GIMAP8: variants seen among roughly 807,000 people sequenced by gnomAD.
The protein encoded by GIMAP8 is GTPase IMAP family member 8.
GIMAP8 carries 29 observed loss-of-function variants against 35.6 expected under a neutral mutation model. That is an observed-to-expected ratio of 0.81 (90% CI 0.61 to 1.11). The LOEUF is 1.11. Among genes scored for constraint, GIMAP8 ranks in the 50% most tolerant of loss-of-function variants. GIMAP8 has a pLI of 0.00. For synonymous variants in GIMAP8, 335 were observed against 308.7 expected, an observed-to-expected ratio of 1.09 and a Z score of -0.89; for missense variants, 811 against 805.0, an observed-to-expected ratio of 1.01 and a Z score of -0.09.
chr7:150,471,089 C>T (rs920633603), intron 3 of GIMAP8, among the ~76,000 whole-genome samples: 2 of 152,140 alleles, frequency 1.3e-5, no homozygotes, highest in Non-Finnish European at 2.9e-5. Context: ...CGAGGGTGTC[C>T]TTGGACTTTT....
At chr7:150,475,413 G>C (rs912091835) in intron 4 of GIMAP8, among the ~76,000 whole-genome samples, 1 of 152,148 alleles carries the variant, frequency 6.6e-6, no homozygotes, top group South Asian at 2.1e-4. Flanking sequence ...ACATTCTCTT[G>C]AACCGGTCTT....
At chr7:150,471,828 C>A (rs1254206932) in intron 3 of GIMAP8, among the ~76,000 whole-genome samples, 3 of 144,196 alleles carry the variant, frequency 2.1e-5, no homozygotes, top group East Asian at 2.2e-4. Context: ...CAGAGCAAGA[C>A]CCTGTCTCAA....
At chr7:150,471,558 C>T (rs116502835) in intron 3 of GIMAP8, among the ~76,000 whole-genome samples, 2,905 of 152,166 alleles carry the variant, frequency 0.019, 88 homozygotes, top group African/African-American at 0.066. Flanking sequence ...TAGCTGAGGC[C>T]GGGTGCAGTG....
intron 3 of GIMAP8, among the ~76,000 whole-genome samples, chr7:150,471,425 T>C (rs1802087416): frequency 1.3e-5 from 2 of 152,384 alleles, no homozygotes; most frequent in Admixed American, 1.3e-4. Context: ...TTGCAGGTTA[T>C]TTCTGGGTCA....
chr7:150,469,713 A>T (rs75908713), intron 2 of GIMAP8, among the ~76,000 whole-genome samples: 3 of 140,384 alleles, frequency 2.1e-5, no homozygotes, highest in African/African-American at 2.9e-5. Context: ...CCCTGGAAAT[A>T]AAAAAAAAAA....
intron 1 of GIMAP8, among the ~76,000 whole-genome samples, chr7:150,452,876 C>G (rs897045485): frequency 6.6e-6 from 1 of 151,004 alleles, no homozygotes; most frequent in African/African-American, 2.4e-5. Flanking sequence ...GCGTGAGCCA[C>G]TGCGCCCGGC....
At chr7:150,476,942 G>C in intron 4 of GIMAP8, 150 bp from the exon 5 acceptor site, 1 of 629,054 alleles carries the variant, frequency 1.6e-6, no homozygotes, top group South Asian at 2.0e-5. Flanking sequence ...CCCGTGTTTG[G>C]AGATCCCCCT....
intron 1 of GIMAP8, among the ~76,000 whole-genome samples, chr7:150,458,124 G>A (rs1443218247): frequency 1.3e-5 from 2 of 152,174 alleles, no homozygotes; most frequent in Non-Finnish European, 2.9e-5. Context: ...TAGAGAAACA[G>A]AATGAATGAT....
Position 150,478,055 on chromosome 7 carries a change from A to G in GIMAP8, c.*275A>G. Reference sequence around the variant, plus strand: ...TAGGCTGATAATAAGTGGTAGAATCAAGTCACAAGAATCACCTCACTTGTG... The same window carrying G: ...TAGGCTGATAATAAGTGGTAGAATCGAGTCACAAGAATCACCTCACTTGTG... On this transcript the variant is annotated 3_prime_UTR_variant, in exon 5 of 5. Transcript: ENST00000307271. The G allele has an allele frequency of 2.2e-6, 1 of 463,914 alleles. No individual in the cohort carries two copies. The highest frequency in any genetic ancestry group is 5.8e-4 in the Middle Eastern group (1 of 1,710). 28.7% of individuals were successfully genotyped at this position (463,914 alleles called of 1,614,324 possible).
At chr7:150,452,672 TG>T (rs1297117362) in intron 1 of GIMAP8, among the ~76,000 whole-genome samples, 36 of 66,580 alleles carry the variant, frequency 5.4e-4, no homozygotes, top group African/African-American at 2.1e-3. Flanking sequence ...TGTGTGTGTG[TG>T]AGATATATAT....
intron 1 of GIMAP8, among the ~76,000 whole-genome samples, chr7:150,452,675 G>GATATATATAGAT (rs1801639507): frequency 5.0e-5 from 4 of 79,672 alleles, no homozygotes; most frequent in African/African-American, 1.6e-4. Context: ...GTGTGTGTGA[G>GATATATATAGAT]ATATATATAT....
At chr7:150,452,697 T>G (rs964870760) in intron 1 of GIMAP8, among the ~76,000 whole-genome samples, 1 of 114,102 alleles carries the variant, frequency 8.8e-6, no homozygotes, top group Non-Finnish European at 1.8e-5. Context: ...TATATATATA[T>G]ATATATATAT....
intron 2 of GIMAP8, among the ~76,000 whole-genome samples, chr7:150,470,293 G>A (rs182241387): frequency 6.6e-6 from 1 of 152,270 alleles, no homozygotes; most frequent in East Asian, 1.9e-4. Context: ...CAAAGATAAG[G>A]TTAAAATGAA....
At chr7:150,469,251 T>C (rs1368838222) in intron 2 of GIMAP8, among the ~76,000 whole-genome samples, 1 of 152,192 alleles carries the variant, frequency 6.6e-6, no homozygotes, top group African/African-American at 2.4e-5. Flanking sequence ...TCCCACCCTG[T>C]ACCAGGTTTG....
At chr7:150,460,143 C>G (rs1194275675) in intron 1 of GIMAP8, among the ~76,000 whole-genome samples, 1 of 152,180 alleles carries the variant, frequency 6.6e-6, no homozygotes, top group African/African-American at 2.4e-5. Context: ...CCTCTGCCAT[C>G]ATGGCCACTT....
Position 150,476,038 on chromosome 7 carries a change from G to A in GIMAP8, c.1310-1054G>A, listed in dbSNP as rs559920734. ...ATGGGGAGTGGGGCCGGATTTCAGAGGTACATGAGAAACACACCCTCTGTA... is the reference window on the plus strand; with the variant it reads ...ATGGGGAGTGGGGCCGGATTTCAGAAGTACATGAGAAACACACCCTCTGTA... On this transcript the variant is annotated intron_variant, in intron 4 of 4. Transcript: ENST00000307271. Among the ~76,000 whole-genome samples the A allele has an allele frequency of 2.0e-5, 3 of 152,224 alleles. No individual in the cohort carries two copies. The South Asian group carries it at 6.2e-4, about 32-fold the overall frequency.
chr7:150,467,347 T>G lies in GIMAP8; in HGVS notation c.636+13T>G, dbSNP rs754981356. 8 of 1,602,444 alleles carry G rather than the reference T, an allele frequency of 5.0e-6. No individual in the cohort carries two copies. The Admixed American group carries it at 1.4e-4, about 27-fold the overall frequency. On this transcript the variant is annotated intron_variant, in intron 2 of 4. Coordinates refer to ENST00000307271, the MANE Select transcript of GIMAP8 (RefSeq NM_175571.4). The stretch of plus-strand genomic sequence containing the variant: ...CAGCAGGTTTCAAGTAAGAATTTTG[T>G]TAATATCTTGAAAGATCTCTATGTT...
Position 150,477,124 on chromosome 7 carries a change from G to T in GIMAP8, c.1342G>T (p.Gly448Trp). The T allele has an allele frequency of 6.2e-7, 1 of 1,607,442 alleles. No individual in the cohort carries two copies. The highest frequency in any genetic ancestry group is 1.1e-5 in the South Asian group (1 of 91,008). ...TLNIVLVGRS[G>W]TGKSATGNSI... The stretch of plus-strand genomic sequence containing the variant: ...GAACATTGTCCTTGTGGGGAGAAGC[G>T]GGACTGGGAAGAGTGCGACCGGGAA... Residue 448 changes from glycine to tryptophan, a missense_variant, in exon 5 of 5, where the codon GGG (glycine) becomes TGG (tryptophan). Gly to Trp is a radical substitution (Grantham distance 184). Coordinates refer to ENST00000307271, the MANE Select transcript of GIMAP8 (RefSeq NM_175571.4).
chr7:150,471,464 G>A (rs188614715), intron 3 of GIMAP8, among the ~76,000 whole-genome samples: 19 of 152,204 alleles, frequency 1.2e-4, no homozygotes, highest in Non-Finnish European at 2.4e-4. Context: ...GTATCCAGTC[G>A]TGAATAAGAT....
Sources: gnomAD v4.1 joint callset for allele counts (sites outside exome capture counted in the v4.1 genomes callset) on GRCh38, gnomAD v4.1.1 for gene constraint, MANE v1.5 for transcripts, NCBI Gene and HGNC (gene_info 2026-07-23, HGNC 2026-07-21) for gene names.